The following TEX2 variants were observed in gnomAD, a reference collection of about 807,000 sequenced individuals.
TEX2 encodes the protein testis-expressed protein 2.
TEX2 carries 53 observed loss-of-function variants against 106.9 expected under a neutral mutation model. The ratio of observed to expected loss-of-function variants is 0.50; its 90% confidence interval spans 0.40 to 0.62. The LOEUF is 0.62. TEX2 is among the 20% of genes least tolerant of loss of function. The probability of loss-of-function intolerance (pLI) is 0.00; values close to 1 mark genes in which losing one functional copy is unlikely to be tolerated. For missense variants in TEX2, 1,207 were observed against 1,379.0 expected, an observed-to-expected ratio of 0.88 and a Z score of 1.98; for synonymous variants, 523 against 534.8, an observed-to-expected ratio of 0.98 and a Z score of 0.30.
chr17:64,253,578 A>G (rs2143495952), intron 1 of TEX2, among the ~76,000 whole-genome samples: 1 of 152,226 alleles, frequency 6.6e-6, no homozygotes, highest in Middle Eastern at 3.4e-3. Flanking sequence ...TCCAAGCAAA[A>G]AGATGGTTGT....
intron 6 of TEX2, among the ~76,000 whole-genome samples, chr17:64,174,360 G>A (rs1299770383): frequency 1.4e-5 from 1 of 73,250 alleles, no homozygotes. Flanking sequence ...GGACTTGGCA[G>A]GGGAAGGTGT....
intron 6 of TEX2, among the ~76,000 whole-genome samples, chr17:64,171,985 A>T (rs2031423870): frequency 6.6e-6 from 1 of 151,562 alleles, no homozygotes; most frequent in South Asian, 2.1e-4. Flanking sequence ...GCGTCAAAAA[A>T]AAAAAAAAAA....
chr17:64,229,834 A>G (rs1385847064), intron 1 of TEX2, among the ~76,000 whole-genome samples: 2 of 152,160 alleles, frequency 1.3e-5, no homozygotes, highest in Non-Finnish European at 2.9e-5. Flanking sequence ...TAGACAACCT[A>G]GCTTACATCT....
At chr17:64,211,598 G>C (rs2033002477) in intron 2 of TEX2, among the ~76,000 whole-genome samples, 1 of 152,110 alleles carries the variant, frequency 6.6e-6, no homozygotes, top group Admixed American at 6.5e-5. Context: ...AAGTAATCTA[G>C]AGATGATTTA....
intron 5 of TEX2, among the ~76,000 whole-genome samples, chr17:64,182,561 T>C (rs1160865895): frequency 6.6e-6 from 1 of 152,182 alleles, no homozygotes; most frequent in Non-Finnish European, 1.5e-5. Context: ...CAGTCAATTT[T>C]AGAACATTTT....
At chr17:64,166,502 C>A (rs1164574219) in intron 7 of TEX2, among the ~76,000 whole-genome samples, 2 of 152,210 alleles carry the variant, frequency 1.3e-5, no homozygotes. Context: ...GGGCAAGTCA[C>A]CCCTCTCTGG....
rs189875023 is a variant in TEX2 at position 64,261,800 on chromosome 17, T to C, written c.-26+1368A>G. 2.6e-5 allele frequency among the ~76,000 whole-genome samples: 4 copies of C among 152,340 alleles called. No homozygotes were observed. In the East Asian group the frequency reaches 7.7e-4, roughly 29 times the overall value. ...CCTCAGGGGGCTTGTTTACCATAACTTTAGACCAACTACCATTTTTGGGGA... is the reference window on the plus strand; with the variant it reads ...CCTCAGGGGGCTTGTTTACCATAACCTTAGACCAACTACCATTTTTGGGGA... On this transcript the variant is annotated intron_variant, in intron 1 of 11. Coordinates refer to ENST00000584379, the MANE Select transcript of TEX2 (RefSeq NM_001288732.2).
chr17:64,201,501 C>A (rs560973064), intron 2 of TEX2, among the ~76,000 whole-genome samples: 1 of 152,280 alleles, frequency 6.6e-6, no homozygotes, highest in Admixed American at 6.5e-5. Flanking sequence ...GTATTTCTGT[C>A]AATTCCCTAC....
intron 7 of TEX2, among the ~76,000 whole-genome samples, chr17:64,170,004 T>C (rs942540168): frequency 6.6e-6 from 1 of 152,160 alleles, no homozygotes; most frequent in African/African-American, 2.4e-5. Flanking sequence ...TTTACCAAAC[T>C]CCTGTGTACT....
intron 1 of TEX2, among the ~76,000 whole-genome samples, chr17:64,247,522 G>C (rs1254639731): frequency 7.5e-6 from 1 of 132,602 alleles, no homozygotes; most frequent in African/African-American, 2.5e-5. Flanking sequence ...GGGGCTAGCA[G>C]TGAGGAAAGA....
intron 1 of TEX2, among the ~76,000 whole-genome samples, chr17:64,241,140 T>C (rs1367501395): frequency 6.6e-6 from 1 of 152,032 alleles, no homozygotes; most frequent in Non-Finnish European, 1.5e-5. Context: ...GGGAAAGCAT[T>C]TGGGGTTGTC....
intron 1 of TEX2, among the ~76,000 whole-genome samples, chr17:64,248,806 G>A (rs781946621): frequency 1.3e-5 from 2 of 152,146 alleles, no homozygotes; most frequent in African/African-American, 2.4e-5. Context: ...AGGCCAAGGA[G>A]GGTGGATTGC....
At position 64,173,672 on chromosome 17, in the gene TEX2, GC is replaced by G. The variant is rs141323054; in HGVS notation, c.2572-2474del. ...AGCATCAATGTTATAAGTGGTATTG[GC>G]CTCTCTACCAACCTATAAAATGCTA... On this transcript the variant is annotated intron_variant, in intron 6 of 11. Transcript: ENST00000584379. Among the ~76,000 whole-genome samples the G allele has an allele frequency of 5.4e-3, 824 of 152,236 alleles. 5 individuals are homozygous for G. Among genetic ancestry groups the G allele is most frequent in the African/African-American group, 0.019 (779 of 41,530 alleles).
intron 10 of TEX2, among the ~76,000 whole-genome samples, chr17:64,151,804 G>A (rs1296501618): frequency 1.3e-5 from 2 of 152,154 alleles, no homozygotes; most frequent in African/African-American, 4.8e-5. Context: ...GCAGTAAGGA[G>A]AAGAAATGTA....
At chr17:64,238,082 A>C (rs1555635332) in intron 1 of TEX2, among the ~76,000 whole-genome samples, 2 of 152,138 alleles carry the variant, frequency 1.3e-5, no homozygotes. Context: ...TGGGAGAATC[A>C]CGATGTCAGG....
intron 1 of TEX2, among the ~76,000 whole-genome samples, chr17:64,233,879 T>C (rs9904013): frequency 0.17 from 25,387 of 152,172 alleles, 2,767 homozygotes; most frequent in African/African-American, 0.31. Context: ...GTCCTGCTCC[T>C]GATCTTCACT....
intron 6 of TEX2, 124 bp from the exon 7 acceptor site, chr17:64,171,323 GA>G: frequency 1.3e-6 from 1 of 741,706 alleles, no homozygotes; most frequent in Non-Finnish European, 2.3e-6. Flanking sequence ...TTTATGTAAC[GA>G]AAACGTAATG....
intron 1 of TEX2, among the ~76,000 whole-genome samples, chr17:64,256,916 A>G (rs1417995761): frequency 6.6e-6 from 1 of 152,254 alleles, no homozygotes; most frequent in Non-Finnish European, 1.5e-5. Flanking sequence ...AAGGACTGAA[A>G]ATTGAATAAG....
intron 6 of TEX2, among the ~76,000 whole-genome samples, chr17:64,176,968 G>T (rs539586211): frequency 1.3e-5 from 2 of 152,290 alleles, no homozygotes; most frequent in African/African-American, 4.8e-5. Flanking sequence ...GTGGGGCTGG[G>T]TGGGCTCTGG....
Sources: gnomAD v4.1 joint callset for allele counts (sites outside exome capture counted in the v4.1 genomes callset) on GRCh38, gnomAD v4.1.1 for gene constraint, MANE v1.5 for transcripts, NCBI Gene and HGNC (gene_info 2026-07-23, HGNC 2026-07-21) for gene names.